ATG4B: variants seen among roughly 807,000 people sequenced by gnomAD.
The protein encoded by ATG4B is autophagy related 4B cysteine peptidase, also known as cysteine protease ATG4B.
Under a neutral mutation model 56.6 loss-of-function variants are expected in ATG4B, and 29 were observed. The ratio of observed to expected loss-of-function variants is 0.51; its 90% CI spans 0.38 to 0.70. The LOEUF (loss-of-function observed/expected upper bound fraction) is 0.70, where lower values mean the gene tolerates loss of function less well. Ranked by LOEUF, ATG4B falls within the 30% of genes least tolerant of loss-of-function variation. The pLI is 0.00. For missense variants in ATG4B, 461 were observed against 515.5 expected (o/e 0.89, Z 1.02); for synonymous variants, 224 against 206.1 (o/e 1.09, Z -0.74).
At chr2:241,652,135 C>T in intron 3 of ATG4B, 1 of 356,366 alleles carries the variant, frequency 2.8e-6, no homozygotes, top group Non-Finnish European at 5.5e-6. Flanking sequence ...ACGACAGTGT[C>T]TCCTTAGGTT....
In ATG4B at chr2:241,668,825, G is replaced by T. The variant is rs540779033; in HGVS notation, c.957+140G>T. ...GTGTTCACGTGGTTGGGAATCTGAA[G>T]GGTATAAGAGCCGGAACTGTGTCCT... On this transcript the variant is annotated intron_variant, in intron 10 of 12. Transcript: ENST00000404914. This position sits in a 1 kb window ranked among gnomAD's most constrained non-coding sequence, Gnocchi z 4.2. 1,885 of 1,281,046 alleles carry T rather than the reference G, an allele frequency of 1.5e-3. 2 individuals carry two copies. Among genetic ancestry groups the T allele is most frequent in the Non-Finnish European group, 1.9e-3 (1,767 of 940,128 alleles). The allele number at this position is 1,281,046 out of a possible 1,614,324, so 79.4% of individuals were successfully genotyped here. A position where few individuals can be genotyped will look rare whatever the true frequency, so the allele number is the denominator to read the frequency against.
chr2:241,665,466 T>C lies in ATG4B; in HGVS notation c.539-1179T>C, dbSNP rs554230379. On this transcript the variant is annotated intron_variant, in intron 7 of 12. Transcript: ENST00000404914. The stretch of plus-strand genomic sequence containing the variant: ...GTTGTGATGTCTTTCTAGTCTTTAA[T>C]TGAGAAGGTTCTGCCTCTTTGTTGT... Among the ~76,000 whole-genome samples, 6 of 152,358 alleles carry C rather than the reference T, an allele frequency of 3.9e-5. No homozygotes were observed. The East Asian group carries it at 9.6e-4, about 24-fold the overall frequency.
Position 241,671,395 on chromosome 2 carries a change from C to A in ATG4B, c.1098C>A (p.Asn366Lys). The change falls in exon 12 of 13, where the codon AAC becomes AAA. Residue 366 changes from asparagine to lysine, a missense_variant. Asn to Lys is a moderately conservative substitution (Grantham distance 94, BLOSUM62 0). Transcript: ENST00000404914. ...ATCTGGCCTGCCCCGACGTCCTGAACCTGTCCCTAGGTGAGAGCTGCCAAG... is the reference window on the plus strand; with the variant it reads ...ATCTGGCCTGCCCCGACGTCCTGAAACTGTCCCTAGGTGAGAGCTGCCAAG... ...PSHLACPDVL[N>K]LSLDSSDVER... is the part of the protein sequence containing the mutation. The A allele has an allele frequency of 6.2e-7, 1 of 1,613,692 alleles. No individual in the cohort carries two copies. The highest frequency in any genetic ancestry group is 8.5e-7 in the Non-Finnish European group (1 of 1,179,854).
chr2:241,673,678 C>A lies in ATG4B; in HGVS notation c.*1414C>A, dbSNP rs1420389136. On this transcript the variant is annotated 3_prime_UTR_variant, in exon 13 of 13. Coordinates refer to ENST00000404914, the MANE Select transcript of ATG4B (RefSeq NM_013325.5). ...GATCTCCATTCCTTGGGCTCCACGT[C>A]CGAGTTCATGGTGCGCCGCTGTGCT... The A allele has an allele frequency of 2.2e-6, 1 of 455,968 alleles. No homozygotes were observed. Among genetic ancestry groups the A allele is most frequent in the South Asian group, 1.5e-5 (1 of 64,538 alleles). The allele number at this position is 455,968 out of a possible 1,614,324, so 28.2% of individuals were successfully genotyped here. A position where few individuals can be genotyped will look rare whatever the true frequency, so the allele number is the denominator to read the frequency against.
chr2:241,654,190 A>G (rs1367860569), intron 4 of ATG4B, among the ~76,000 whole-genome samples: 2 of 152,082 alleles, frequency 1.3e-5, no homozygotes, highest in Admixed American at 1.3e-4. Flanking sequence ...TGGGATGCCG[A>G]GGCGGGTGGG....
intron 7 of ATG4B, chr2:241,659,448 CA>C (rs1473379017): frequency 1.9e-6 from 1 of 538,566 alleles, no homozygotes; most frequent in East Asian, 4.2e-5. Flanking sequence ...GTCTTGGTTA[CA>C]AATCGTTTAT....
At position 241,650,995 on chromosome 2, in the gene ATG4B, C is replaced by A; in HGVS notation, c.11-15C>A. 1.2e-6 allele frequency: 2 copies of A among 1,602,414 alleles called. No homozygotes were observed. Among genetic ancestry groups the A allele is most frequent in the Non-Finnish European group, 1.7e-6 (2 of 1,171,544 alleles). ...TTATAAGTGTCTGATGATTGTGCAT[C>A]TTTGGTTTCAACAGCTACTCTGACC... is the stretch of plus-strand genomic sequence containing the variant. On this transcript the variant is annotated splice_polypyrimidine_tract_variant and intron_variant, in intron 1 of 12. Transcript: ENST00000404914.
chr2:241,648,119 A>G (rs2068117363), intron 1 of ATG4B, among the ~76,000 whole-genome samples: 1 of 152,196 alleles, frequency 6.6e-6, no homozygotes, highest in Non-Finnish European at 1.5e-5. Flanking sequence ...ATCACAAAAG[A>G]ATAAAAAAAA....
chr2:241,643,967 G>A (rs1396093212), intron 1 of ATG4B, among the ~76,000 whole-genome samples: 1 of 152,120 alleles, frequency 6.6e-6, no homozygotes, highest in Admixed American at 6.5e-5. Flanking sequence ...ATTATGACAG[G>A]GGCTATGAAA....
In ATG4B at chr2:241,651,364, G is replaced by A. The variant is rs1011354106; in HGVS notation, c.184+29G>A. ...AGTACTCTGTTTTATTACAACGCGG[G>A]ACAAAATATGTTTTTAGGAAGGAGG... On this transcript the variant is annotated intron_variant, in intron 3 of 12. Transcript: ENST00000404914. This position sits in a 1 kb window ranked among gnomAD's most constrained non-coding sequence, Gnocchi z 4.1. The A allele has an allele frequency of 6.6e-7, 1 of 1,510,176 alleles. No homozygotes were observed. Among genetic ancestry groups the A allele is most frequent in the Non-Finnish European group, 9.0e-7 (1 of 1,111,664 alleles). The allele number at this position is 1,510,176 out of a possible 1,614,324, so 93.5% of individuals were successfully genotyped here.
chr2:241,667,936 G>C, intron 8 of ATG4B: 1 of 561,892 alleles, frequency 1.8e-6, no homozygotes, highest in South Asian at 2.1e-5. Flanking sequence ...GCTTCCCTGA[G>C]CTGAGCCTGC....
intron 1 of ATG4B, among the ~76,000 whole-genome samples, chr2:241,641,565 A>G (rs946680440): frequency 7.0e-4 from 107 of 151,862 alleles, no homozygotes; most frequent in Admixed American, 2.0e-3. Flanking sequence ...AAAAAAAAAA[A>G]AGAAACTCAG....
rs747133712 is a variant in ATG4B, at chr2:241,651,237, G to T, written c.113-27G>T. On this transcript the variant is annotated intron_variant, in intron 2 of 12. Transcript: ENST00000404914. This position sits in a 1 kb window ranked among gnomAD's most constrained non-coding sequence, Gnocchi z 4.1. ...CAAACTTAAGGCGTTGTGTGTGTGT[G>T]TTTTTTTTCTTTTAAACAACCTCTA... 138 of 1,569,070 alleles carry T rather than the reference G, an allele frequency of 8.8e-5. No homozygotes were observed. The highest frequency in any genetic ancestry group is 1.6e-4 in the South Asian group (14 of 86,036).
chr2:241,647,622 C>CAAAA (rs35875880), intron 1 of ATG4B, among the ~76,000 whole-genome samples: 34 of 117,600 alleles, frequency 2.9e-4, no homozygotes, highest in Non-Finnish European at 3.6e-4. Context: ...GACTCCGTCT[C>CAAAA]AAAAAAAAAA....
intron 10 of ATG4B, among the ~76,000 whole-genome samples, chr2:241,669,583 C>A (rs182036432): frequency 1.3e-5 from 2 of 152,338 alleles, no homozygotes; most frequent in East Asian, 3.9e-4. Context: ...TCTCGGCTCA[C>A]TGCAAGCTCC....
At position 241,651,449 on chromosome 2, in the gene ATG4B, G is replaced by A. The variant is rs1209955224; in HGVS notation, c.184+114G>A. The A allele has an allele frequency of 2.4e-6, 2 of 842,662 alleles. No individual in the cohort carries two copies. Among genetic ancestry groups the A allele is most frequent in the African/African-American group, 3.4e-5 (2 of 58,394 alleles). The allele number at this position is 842,662 out of a possible 1,614,324, so 52.2% of individuals were successfully genotyped here. ...CACTGACTTCATTTGAATCTTCACAGCAATCCTGCTTAACTGAATTGGCCG... is the reference window on the plus strand; with the variant it reads ...CACTGACTTCATTTGAATCTTCACAACAATCCTGCTTAACTGAATTGGCCG... On this transcript the variant is annotated intron_variant, in intron 3 of 12. Coordinates refer to ENST00000404914, the MANE Select transcript of ATG4B (RefSeq NM_013325.5). This position sits in a 1 kb window ranked among gnomAD's most constrained non-coding sequence, Gnocchi z 4.1.
chr2:241,669,566 G>GGT (rs2068892027), intron 10 of ATG4B, among the ~76,000 whole-genome samples: 2 of 152,196 alleles, frequency 1.3e-5, no homozygotes, highest in African/African-American at 4.8e-5. Context: ...GGAGTGCAGT[G>GGT]GCACGATCTC....
Position 241,668,923 on chromosome 2 carries a change from G to C in ATG4B, c.957+238G>C. ...ATGGCCTTCGAGTGGCCCAGAGAGC[G>C]TGTGTCTGGATGTGAGCGTGTGTGG... On this transcript the variant is annotated intron_variant, in intron 10 of 12. Transcript: ENST00000404914. The surrounding 1 kb of genome is among the most constrained non-coding windows in gnomAD (Gnocchi z 4.2). 1 of 591,598 alleles carries C rather than the reference G, an allele frequency of 1.7e-6. No homozygotes were observed. The highest frequency in any genetic ancestry group is 2.9e-6 in the Non-Finnish European group (1 of 341,692). 36.6% of individuals were successfully genotyped at this position (591,598 alleles called of 1,614,324 possible). A position where few individuals can be genotyped will look rare whatever the true frequency, so the allele number is the denominator to read the frequency against.
intron 6 of ATG4B, 87 bp from the exon 7 acceptor site, chr2:241,659,021 G>C (rs578161511): frequency 9.5e-7 from 1 of 1,048,392 alleles, no homozygotes; most frequent in Non-Finnish European, 1.4e-6. Context: ...CCTCTAACGC[G>C]AACCCTCCTT....
Sources: allele counts gnomAD v4.1 joint callset (sites outside exome capture counted in the v4.1 genomes callset), GRCh38; gene constraint gnomAD v4.1.1; non-coding constraint Gnocchi (gnomAD v3.1); transcripts MANE v1.5; gene names NCBI Gene and HGNC (gene_info 2026-07-23, HGNC 2026-07-21).